The following CPE variants were observed in gnomAD, a reference collection of about 807,000 sequenced individuals.
CPE encodes the protein carbocypeptidase E.
In CPE, 17 loss-of-function variants were observed where a neutral mutation model predicts 53.5. The ratio of observed to expected loss-of-function variants is 0.32; its 90% CI spans 0.22 to 0.48. CPE has a LOEUF of 0.48. CPE is among the 20% of genes least tolerant of loss of function. The pLI, the probability that CPE is intolerant of heterozygous loss-of-function variation, is 0.99. For synonymous variants in CPE, 226 were observed against 228.8 expected, an observed-to-expected ratio of 0.99 and a Z score of 0.11; for missense variants, 524 against 614.7, an observed-to-expected ratio of 0.85 and a Z score of 1.56.
intron 1 of CPE, among the ~76,000 whole-genome samples, chr4:165,434,709 T>C (rs1313562373): frequency 1.3e-5 from 2 of 152,154 alleles, no homozygotes; most frequent in African/African-American, 2.4e-5. Flanking sequence ...GAAGGGTATA[T>C]GCAGGAAGAG....
At chr4:165,491,454 C>A (rs894640007) in intron 6 of CPE, among the ~76,000 whole-genome samples, 2 of 152,076 alleles carry the variant, frequency 1.3e-5, no homozygotes, top group African/African-American at 4.8e-5. Flanking sequence ...CTATATATAG[C>A]CCTTTTCTTC....
At chr4:165,497,408 G>C (rs1341548265) in intron 8 of CPE, 104 bp from the exon 9 acceptor site, 1 of 484,080 alleles carries the variant, frequency 2.1e-6, no homozygotes, top group African/African-American at 2.0e-5. Context: ...CTTTAATTCA[G>C]GTGGCTGGAT....
intron 1 of CPE, among the ~76,000 whole-genome samples, chr4:165,394,731 GA>G (rs1447181687): frequency 2.0e-5 from 3 of 152,022 alleles, no homozygotes; most frequent in Middle Eastern, 3.4e-3. Context: ...TTTTTTATGT[GA>G]AAAATGTTAC....
chr4:165,414,100 C>A (rs1393435356), intron 1 of CPE, among the ~76,000 whole-genome samples: 1 of 152,008 alleles, frequency 6.6e-6, no homozygotes, highest in African/African-American at 2.4e-5. Context: ...CAATAATAAA[C>A]CAAAAATAAA....
intron 1 of CPE, among the ~76,000 whole-genome samples, chr4:165,394,677 C>T (rs771215194): frequency 2.0e-5 from 3 of 151,854 alleles, no homozygotes; most frequent in Non-Finnish European, 2.9e-5. Context: ...TAGTTCGAGA[C>T]CAGCTTGGGC....
At chr4:165,472,840 A>G (rs72703691) in intron 3 of CPE, among the ~76,000 whole-genome samples, 22,199 of 152,286 alleles carry the variant, frequency 0.15, 1,982 homozygotes, top group East Asian at 0.24. Context: ...TGCCTTGCAT[A>G]TAAAAGTTTT....
At chr4:165,395,910 A>G (rs553314482) in intron 1 of CPE, among the ~76,000 whole-genome samples, 6 of 152,166 alleles carry the variant, frequency 3.9e-5, no homozygotes, top group Non-Finnish European at 7.3e-5. Flanking sequence ...TGATAGTAAG[A>G]GGAGTTCTCC....
chr4:165,467,200 G>C (rs1732120362), intron 2 of CPE, among the ~76,000 whole-genome samples: 1 of 152,032 alleles, frequency 6.6e-6, no homozygotes, highest in South Asian at 2.1e-4. Flanking sequence ...GTGCACATGT[G>C]TAGTCCCAGT....
At chr4:165,391,088 A>G (rs936500111) in intron 1 of CPE, among the ~76,000 whole-genome samples, 9 of 152,178 alleles carry the variant, frequency 5.9e-5, no homozygotes, top group African/African-American at 2.2e-4. Context: ...AATTACACCT[A>G]ATTTTCAGGG....
chr4:165,478,113 A>G (rs559167103), intron 3 of CPE, among the ~76,000 whole-genome samples: 62 of 152,352 alleles, frequency 4.1e-4, no homozygotes, highest in African/African-American at 1.4e-3. Flanking sequence ...AGAAAACTGA[A>G]TAAATAGAGC....
chr4:165,466,692 A>G (rs1732110302), intron 2 of CPE, among the ~76,000 whole-genome samples: 1 of 151,852 alleles, frequency 6.6e-6, no homozygotes, highest in Non-Finnish European at 1.5e-5. Flanking sequence ...AATTTTTTAT[A>G]TTTTTATTAG....
At chr4:165,381,194 A>C in intron 1 of CPE, 1 of 447,800 alleles carries the variant, frequency 2.2e-6, no homozygotes, top group South Asian at 1.6e-5. Flanking sequence ...TTAGAATGTG[A>C]TATGCTTTAG....
intron 1 of CPE, among the ~76,000 whole-genome samples, chr4:165,445,208 G>A (rs938576187): frequency 2.2e-4 from 33 of 151,986 alleles, no homozygotes; most frequent in African/African-American, 6.0e-4. Context: ...TGCCCGCCTC[G>A]AACTCCCAAA....
At chr4:165,454,251 A>G (rs1731862433) in intron 1 of CPE, among the ~76,000 whole-genome samples, 3 of 152,216 alleles carry the variant, frequency 2.0e-5, no homozygotes, top group African/African-American at 7.2e-5. Flanking sequence ...AGAATGATTC[A>G]GAGAGCTCCA....
chr4:165,417,783 A>C (rs1731149091), intron 1 of CPE, among the ~76,000 whole-genome samples: 1 of 137,906 alleles, frequency 7.3e-6, no homozygotes. Context: ...TCTTAAAAAA[A>C]AAAAAAAGAC....
At chr4:165,463,845 G>C (rs1361067741) in intron 1 of CPE, among the ~76,000 whole-genome samples, 3 of 152,232 alleles carry the variant, frequency 2.0e-5, no homozygotes, top group African/African-American at 7.2e-5. Context: ...AGTCTTGTCA[G>C]ACTGCCATAG....
At chr4:165,492,635 G>A (rs1048748831) in intron 6 of CPE, among the ~76,000 whole-genome samples, 1 of 152,148 alleles carries the variant, frequency 6.6e-6, no homozygotes, top group East Asian at 1.9e-4. Context: ...AATTGAGCAA[G>A]CAGGGGGTAC....
At chr4:165,405,099 T>C in intron 1 of CPE, 1 of 736,944 alleles carries the variant, frequency 1.4e-6, no homozygotes. Context: ...ATGGAATCCC[T>C]TTCAAATGAC....
At chr4:165,420,999 CTTAGAA>C (rs1195452439) in intron 1 of CPE, among the ~76,000 whole-genome samples, 2 of 152,110 alleles carry the variant, frequency 1.3e-5, no homozygotes, top group South Asian at 2.1e-4. Context: ...TTTTATCACA[CTTAGAA>C]TTAGAGTTGT....
Sources: allele counts gnomAD v4.1 joint callset (sites outside exome capture counted in the v4.1 genomes callset), GRCh38; gene constraint gnomAD v4.1.1; transcripts MANE v1.5; gene names NCBI Gene and HGNC (gene_info 2026-07-23, HGNC 2026-07-21).